Variants in MGAT4D observed in about 807,000 individuals in gnomAD.
The protein encoded by MGAT4D is MGAT4 family member D.
In MGAT4D, 34 loss-of-function variants were observed where a neutral mutation model predicts 15.9. The ratio of observed to expected loss-of-function variants is 2.14; its 90% CI spans 1.62 to 2.84. The LOEUF is 2.84. MGAT4D is among the 30% of genes most tolerant of loss of function. MGAT4D has a pLI of 0.00. For missense variants in MGAT4D, 327 were observed against 140.2 expected, an observed-to-expected ratio of 2.33 and a Z score of -6.73; for synonymous variants, 112 against 48.2, an observed-to-expected ratio of 2.33 and a Z score of -5.49.
intron 1 of MGAT4D, among the ~76,000 whole-genome samples, chr4:140,494,508 C>G (rs746712158): frequency 2.6e-5 from 4 of 152,288 alleles, no homozygotes; most frequent in Middle Eastern, 6.8e-3. Flanking sequence ...GCTTTATATG[C>G]TAACAGTTCT....
At chr4:140,455,822 T>C (rs923085211) in intron 9 of MGAT4D, among the ~76,000 whole-genome samples, 11 of 152,216 alleles carry the variant, frequency 7.2e-5, no homozygotes, top group Non-Finnish European at 1.6e-4. Context: ...TCTTTGCTTT[T>C]AAGTGTATTC....
intron 9 of MGAT4D, among the ~76,000 whole-genome samples, chr4:140,454,741 G>T (rs1730689903): frequency 6.6e-6 from 1 of 152,054 alleles, no homozygotes; most frequent in Non-Finnish European, 1.5e-5. Context: ...TTCCTTTTCA[G>T]GATTTAAAAA....
chr4:140,490,773 T>C (rs189252166), intron 1 of MGAT4D, among the ~76,000 whole-genome samples: 91 of 152,364 alleles, frequency 6.0e-4, no homozygotes, highest in African/African-American at 2.1e-3. Context: ...TATTTTGGTT[T>C]GGGTTTGTGG....
intron 7 of MGAT4D, among the ~76,000 whole-genome samples, chr4:140,460,160 AG>A (rs1731080453): frequency 6.6e-6 from 1 of 152,224 alleles, no homozygotes; most frequent in African/African-American, 2.4e-5. Context: ...TCTTTGAAAG[AG>A]TCTCTTTATC....
At chr4:140,454,774 G>T (rs922820364) in intron 9 of MGAT4D, among the ~76,000 whole-genome samples, 4 of 152,094 alleles carry the variant, frequency 2.6e-5, no homozygotes, top group African/African-American at 9.7e-5. Context: ...TTCTTTAGTA[G>T]ATATAGGACT....
At chr4:140,460,849 G>C (rs1397954542) in intron 7 of MGAT4D, among the ~76,000 whole-genome samples, 1 of 152,106 alleles carries the variant, frequency 6.6e-6, no homozygotes, top group Non-Finnish European at 1.5e-5. Context: ...GGGAGGCTTT[G>C]GGAGAGATGC....
chr4:140,452,813 AT>A (rs377207652), intron 9 of MGAT4D, among the ~76,000 whole-genome samples: 54 of 152,260 alleles, frequency 3.5e-4, no homozygotes, highest in Non-Finnish European at 5.3e-4. Flanking sequence ...ATTTAAAAAA[AT>A]TTCACCCAGC....
At chr4:140,451,584 G>C in intron 9 of MGAT4D, 67 bp from the exon 10 acceptor site, 1 of 419,472 alleles carries the variant, frequency 2.4e-6, no homozygotes, top group Non-Finnish European at 4.3e-6. Context: ...GTTTACTGAT[G>C]GTAGAATTTT....
intron 10 of MGAT4D, among the ~76,000 whole-genome samples, chr4:140,444,584 G>A (rs1047866342): frequency 6.6e-6 from 1 of 152,168 alleles, no homozygotes; most frequent in African/African-American, 2.4e-5. Context: ...GTATTCCATG[G>A]TGTATGTGTA....
chr4:140,462,064 T>G (rs866591471), intron 6 of MGAT4D, 60 bp from the exon 7 acceptor site: 2 of 665,982 alleles, frequency 3.0e-6, no homozygotes, highest in Middle Eastern at 5.0e-4. Flanking sequence ...TTTATAAGCA[T>G]ACTTTAGTAA....
chr4:140,445,985 A>G (rs1431838415), intron 10 of MGAT4D, among the ~76,000 whole-genome samples: 1 of 152,144 alleles, frequency 6.6e-6, no homozygotes, highest in Non-Finnish European at 1.5e-5. Context: ...ATTTGTGTAT[A>G]TTGAACCAAT....
Position 140,459,581 on chromosome 4 carries a change from T to C in MGAT4D, c.808A>G (p.Thr270Ala). The change falls in exon 8 of 11, where the codon ACA (threonine) becomes GCA (alanine). Residue 270 changes from threonine to alanine, a missense_variant. Thr to Ala is a moderately conservative substitution (Grantham distance 58). Coordinates refer to ENST00000511113, the MANE Select transcript of MGAT4D (RefSeq NM_001277353.2). ...IAKEMYFTKI[T>A]DFVGNISSNN... is the part of the protein sequence containing the mutation. ...GAACTGATATTACCTACAAAATCTG[T>C]TATTTTTGTAAAGTACATCTCTTTA... 1.9e-6 allele frequency: 1 copy of C among 535,470 alleles called. No homozygotes were observed. The highest frequency in any genetic ancestry group is 3.3e-6 in the Non-Finnish European group (1 of 302,844). The allele number at this position is 535,470 out of a possible 1,614,324, so 33.2% of individuals were successfully genotyped here. A position where few individuals can be genotyped will look rare whatever the true frequency, so the allele number is the denominator to read the frequency against.
In MGAT4D at chr4:140,447,610, A is replaced by T. The variant is rs959283761; in HGVS notation, c.1116+3800T>A. 4.6e-5 allele frequency among the ~76,000 whole-genome samples: 7 copies of T among 152,032 alleles called. No homozygotes were observed. The East Asian group carries it at 5.8e-4, about 13-fold the overall frequency. The stretch of plus-strand genomic sequence containing the variant: ...ATAAGAGTCACTGTATGTGAGATGG[A>T]TCTCTTGAAGACAGCATACCAATCT... On this transcript the variant is annotated intron_variant, in intron 10 of 10. Coordinates refer to ENST00000511113, the MANE Select transcript of MGAT4D (RefSeq NM_001277353.2).
intron 10 of MGAT4D, among the ~76,000 whole-genome samples, chr4:140,448,605 A>T (rs1730280327): frequency 6.6e-6 from 1 of 152,128 alleles, no homozygotes; most frequent in South Asian, 2.1e-4. Flanking sequence ...CTGTATTGTT[A>T]TATTTTGATT....
rs1354990196 is a variant in MGAT4D at position 140,464,963 on chromosome 4, G to T, written c.619C>A (p.Pro207Thr). 2 of 702,712 alleles carry T rather than the reference G, an allele frequency of 2.8e-6. No homozygotes were observed. Among genetic ancestry groups the T allele is most frequent in the Non-Finnish European group, 5.2e-6 (2 of 384,852 alleles). 43.5% of individuals were successfully genotyped at this position (702,712 alleles called of 1,614,324 possible). A position where few individuals can be genotyped will look rare whatever the true frequency, so the allele number is the denominator to read the frequency against. ...RSGSLEVISI[P>T]AFLYSSMLNA... ...AACATGCTTGAGTATAAAAAGGCAG[G>T]TATTGAAATGACCTCTAAGGATCCA... The change falls in exon 6 of 11, where the codon CCT (proline) becomes ACT (threonine). Residue 207 changes from proline (P) to threonine (T), a missense_variant. Physicochemically the swap from Pro to Thr is conservative, Grantham distance 38 (BLOSUM62 -1). Coordinates refer to ENST00000511113, the MANE Select transcript of MGAT4D (RefSeq NM_001277353.2).
chr4:140,450,439 A>G (rs1730401060), intron 10 of MGAT4D, among the ~76,000 whole-genome samples: 1 of 152,212 alleles, frequency 6.6e-6, no homozygotes, highest in African/African-American at 2.4e-5. Context: ...TTTTGCACAA[A>G]GATTCACAAC....
At chr4:140,477,495 G>A (rs1033710151) in intron 3 of MGAT4D, among the ~76,000 whole-genome samples, 7 of 152,240 alleles carry the variant, frequency 4.6e-5, no homozygotes. Flanking sequence ...GGATAAGGGA[G>A]TCACATTACA....
In MGAT4D at chr4:140,482,337, T is replaced by A. The variant is rs535590238; in HGVS notation, c.243A>T (p.Ser81=). 259 of 625,140 alleles carry A rather than the reference T, an allele frequency of 4.1e-4. No homozygotes were observed. In the African/African-American group the frequency reaches 4.6e-3, roughly 11 times the overall value. 38.7% of individuals were successfully genotyped at this position (625,140 alleles called of 1,614,324 possible). The change falls in exon 2 of 11, where the codon TCA becomes TCT. Residue 81 remains serine, a synonymous_variant. Transcript: ENST00000511113. Reference sequence around the variant, plus strand: ...AAAATCAACACAAACCTAAGTTTCCTGACAAAATTTCTCTCTTTGTAATTT... The same window carrying A: ...AAAATCAACACAAACCTAAGTTTCCAGACAAAATTTCTCTCTTTGTAATTT... ...KYEITKREIL[S]GNLVAQKADI...
intron 1 of MGAT4D, among the ~76,000 whole-genome samples, chr4:140,485,448 GC>G (rs1733046868): frequency 6.6e-6 from 1 of 151,944 alleles, no homozygotes; most frequent in African/African-American, 2.4e-5. Context: ...TATACCTAAT[GC>G]TAAATGACGA....
Sources: allele counts gnomAD v4.1 joint callset (sites outside exome capture counted in the v4.1 genomes callset), GRCh38; gene constraint gnomAD v4.1.1; transcripts MANE v1.5; gene names NCBI Gene and HGNC (gene_info 2026-07-23, HGNC 2026-07-21).